The following SLC4A10 variants were observed in gnomAD, a reference collection of about 807,000 sequenced individuals.
The protein encoded by SLC4A10 is solute carrier family 4 member 10.
A neutral mutation model predicts 137.7 loss-of-function variants in SLC4A10; 42 were observed. That is an observed-to-expected ratio of 0.30 (90% CI 0.24 to 0.39). SLC4A10 has a LOEUF of 0.39. SLC4A10 is among the 10% of genes least tolerant of loss of function. SLC4A10 has a pLI of 1.00. For missense variants in SLC4A10, 925 were observed against 1,355.0 expected (o/e 0.68, Z 4.98); for synonymous variants, 474 against 464.1 (o/e 1.02, Z -0.27).
chr2:161,792,923 A>T (rs2054362369), intron 2 of SLC4A10, among the ~76,000 whole-genome samples: 1 of 152,124 alleles, frequency 6.6e-6, no homozygotes, highest in African/African-American at 2.4e-5. Flanking sequence ...ATATCAATTG[A>T]TATAAATACT....
chr2:161,980,019 G>A (rs1267485231), intron 26 of SLC4A10, among the ~76,000 whole-genome samples: 3 of 152,288 alleles, frequency 2.0e-5, no homozygotes, highest in East Asian at 1.9e-4. Context: ...TGATCCTGAT[G>A]TCATACATGC....
intron 1 of SLC4A10, among the ~76,000 whole-genome samples, chr2:161,731,134 A>G (rs753472626): frequency 1.3e-5 from 2 of 152,150 alleles, no homozygotes; most frequent in Non-Finnish European, 2.9e-5. Context: ...TGCCTGGCAC[A>G]TGGTAGGTAT....
chr2:161,947,791 G>A, intron 17 of SLC4A10, 64 bp downstream of exon 17: 1 of 1,525,172 alleles, frequency 6.6e-7, no homozygotes, highest in Non-Finnish European at 8.8e-7. Flanking sequence ...AGTAATTGAT[G>A]TAATAAAAGG....
At chr2:161,783,723 G>T (rs1208016448) in intron 2 of SLC4A10, among the ~76,000 whole-genome samples, 1 of 151,290 alleles carries the variant, frequency 6.6e-6, no homozygotes, top group Non-Finnish European at 1.5e-5. Flanking sequence ...ATTACTATAA[G>T]GTATTATATA....
chr2:161,802,965 CG>C (rs2055532133), intron 2 of SLC4A10, among the ~76,000 whole-genome samples: 1 of 152,056 alleles, frequency 6.6e-6, no homozygotes, highest in African/African-American at 2.4e-5. Context: ...ATATAAACCT[CG>C]GGGGACATAA....
At chr2:161,679,735 G>A (rs1262582596) in intron 1 of SLC4A10, among the ~76,000 whole-genome samples, 1 of 147,562 alleles carries the variant, frequency 6.8e-6, no homozygotes, top group Non-Finnish European at 1.5e-5. Flanking sequence ...TATCAAAACT[G>A]CCTTTCAAGT....
chr2:161,677,890 A>T (rs928979748), intron 1 of SLC4A10, among the ~76,000 whole-genome samples: 1 of 152,158 alleles, frequency 6.6e-6, no homozygotes, highest in Non-Finnish European at 1.5e-5. Flanking sequence ...TGGCAGTACA[A>T]TGTTACTTTA....
At chr2:161,963,272 T>A (rs1697030520) in intron 21 of SLC4A10, among the ~76,000 whole-genome samples, 1 of 152,132 alleles carries the variant, frequency 6.6e-6, no homozygotes, top group South Asian at 2.1e-4. Flanking sequence ...AGCTGTAACA[T>A]AATAGTATGA....
chr2:161,784,449 T>G (rs937550250), intron 2 of SLC4A10, among the ~76,000 whole-genome samples: 3 of 151,846 alleles, frequency 2.0e-5, no homozygotes, highest in African/African-American at 7.2e-5. Context: ...TAATACACAT[T>G]CTTCTCAAGT....
intron 1 of SLC4A10, among the ~76,000 whole-genome samples, chr2:161,695,437 C>T (rs2042390635): frequency 6.6e-6 from 1 of 152,162 alleles, no homozygotes; most frequent in South Asian, 2.1e-4. Context: ...GTTGCATTTT[C>T]ATCCTTCAGG....
At chr2:161,909,225 A>C (rs1685224141) in intron 15 of SLC4A10, among the ~76,000 whole-genome samples, 1 of 152,090 alleles carries the variant, frequency 6.6e-6, no homozygotes, top group Admixed American at 6.5e-5. Context: ...TAAAACTTAA[A>C]GTATAATAAC....
At chr2:161,894,000 A>T (rs1205538360) in intron 10 of SLC4A10, among the ~76,000 whole-genome samples, 1 of 152,000 alleles carries the variant, frequency 6.6e-6, no homozygotes, top group African/African-American at 2.4e-5. Context: ...TACTCAATGC[A>T]TGTCACTTTT....
At chr2:161,955,964 T>A (rs1263713108) in intron 19 of SLC4A10, among the ~76,000 whole-genome samples, 1 of 147,776 alleles carries the variant, frequency 6.8e-6, no homozygotes, top group African/African-American at 2.7e-5. Flanking sequence ...GTAACTTTTA[T>A]TGATTGCTTA....
intron 1 of SLC4A10, among the ~76,000 whole-genome samples, chr2:161,764,027 TG>T (rs1485391877): frequency 6.6e-6 from 1 of 152,040 alleles, no homozygotes; most frequent in Non-Finnish European, 1.5e-5. Context: ...AAAAATAAAC[TG>T]GCAAAAATAT....
At chr2:161,911,060 A>G (rs1462955314) in intron 15 of SLC4A10, among the ~76,000 whole-genome samples, 1 of 151,966 alleles carries the variant, frequency 6.6e-6, no homozygotes. Context: ...ATGTAAATAA[A>G]CATACATTAA....
At chr2:161,686,963 A>G (rs1442174083) in intron 1 of SLC4A10, among the ~76,000 whole-genome samples, 1 of 148,184 alleles carries the variant, frequency 6.7e-6, no homozygotes, top group African/African-American at 2.5e-5. Context: ...GCTCACTGCA[A>G]CCTCCGCCTC....
At chr2:161,625,719 G>T (rs2032203576) in intron 1 of SLC4A10, among the ~76,000 whole-genome samples, 1 of 152,072 alleles carries the variant, frequency 6.6e-6, no homozygotes, top group African/African-American at 2.4e-5. Context: ...GCTGCAAAAA[G>T]ATTCCAGTTT....
In SLC4A10 at chr2:161,817,186, A is replaced by G. The variant is rs371352207; in HGVS notation, c.277+12591A>G. On this transcript the variant is annotated intron_variant, in intron 3 of 26. Transcript: ENST00000446997. ...TGATTGCCATTCTAAGTGGTATGAG[A>G]TGGTATCTCATTGTGGTTTTGATTT... is the stretch of plus-strand genomic sequence containing the variant. 4.3e-4 allele frequency among the ~76,000 whole-genome samples: 66 copies of G among 152,210 alleles called. No homozygotes were observed. In the East Asian group the frequency reaches 5.6e-3, roughly 13 times the overall value.
Position 161,649,303 on chromosome 2 carries a change from G to A in SLC4A10, c.48+24737G>A, listed in dbSNP as rs188274762. ...TTGAGCCTGGGAGGCAGGGTTTGCA[G>A]TGAGCCGAGATTGTGCCATTGCACT... On this transcript the variant is annotated intron_variant, in intron 1 of 26. Coordinates refer to ENST00000446997, the MANE Select transcript of SLC4A10 (RefSeq NM_001178015.2). 5.6e-4 allele frequency among the ~76,000 whole-genome samples: 85 copies of A among 152,326 alleles called. No individual in the cohort carries two copies. The East Asian group carries it at 0.015, about 27-fold the overall frequency.
Sources: gnomAD v4.1 joint callset for allele counts (sites outside exome capture counted in the v4.1 genomes callset) on GRCh38, gnomAD v4.1.1 for gene constraint, MANE v1.5 for transcripts, NCBI Gene and HGNC (gene_info 2026-07-23, HGNC 2026-07-21) for gene names.